FSD2: variants seen among roughly 807,000 people sequenced by gnomAD.
FSD2 encodes fibronectin type III and SPRY domain containing 2.
In FSD2, 71 loss-of-function variants were observed where a neutral mutation model predicts 80.4. The observed-to-expected ratio is 0.88, with a 90% confidence interval of 0.73 to 1.08. The LOEUF is 1.08. FSD2 is among the 50% of genes least tolerant of loss of function. FSD2 has a pLI of 0.00. For missense variants in FSD2, 923 were observed against 913.8 expected (o/e 1.01, Z -0.13); for synonymous variants, 361 against 329.5 (o/e 1.10, Z -1.03).
intron 7 of FSD2, among the ~76,000 whole-genome samples, chr15:82,770,945 T>C (rs2049553133): frequency 6.6e-6 from 1 of 152,268 alleles, no homozygotes; most frequent in Non-Finnish European, 1.5e-5. Context: ...CAGGGTTGAT[T>C]TGTGGCAAAA....
Position 82,755,903 on chromosome 15 carries a change from T to G in FSD2, c.*3445A>C. The G allele has an allele frequency of 2.0e-6, 1 of 489,306 alleles. No homozygotes were observed. The highest frequency in any genetic ancestry group is 4.1e-6 in the Non-Finnish European group (1 of 243,258). The allele number at this position is 489,306 out of a possible 1,614,324, so 30.3% of individuals were successfully genotyped here. A position where few individuals can be genotyped will look rare whatever the true frequency, so the allele number is the denominator to read the frequency against. The stretch of plus-strand genomic sequence containing the variant: ...ATCTTTATTTGAGTATCTTGACTTG[T>G]TAAAGGACAGTGTTTTAAAAGCTGG... On this transcript the variant is annotated 3_prime_UTR_variant, in exon 13 of 13. Coordinates refer to ENST00000334574, the MANE Select transcript of FSD2 (RefSeq NM_001007122.4).
At chr15:82,779,235 A>T (rs945943334) in intron 5 of FSD2, among the ~76,000 whole-genome samples, 11 of 152,174 alleles carry the variant, frequency 7.2e-5, no homozygotes, top group African/African-American at 2.7e-4. Context: ...TCCAGGCCCA[A>T]GAGGTACTGA....
At position 82,762,170 on chromosome 15, in the gene FSD2, G is replaced by A. The variant is rs1281625225; in HGVS notation, c.1929C>T (p.Val643=). ...DYRVGVAFAD[V]RKQEDLGANC... The stretch of plus-strand genomic sequence containing the variant: ...TTGCTCCCAGATCCTCCTGTTTACG[G>A]ACATCTGCAAAGGCCACACCAACTC... The change falls in exon 12 of 13, where the codon GTC becomes GTT. Residue 643 remains valine, a synonymous_variant. Coordinates refer to ENST00000334574, the MANE Select transcript of FSD2 (RefSeq NM_001007122.4). 3.7e-6 allele frequency: 6 copies of A among 1,613,274 alleles called. No homozygotes were observed. The highest frequency in any genetic ancestry group is 5.1e-6 in the Non-Finnish European group (6 of 1,179,622).
chr15:82,803,507 A>T (rs2050461269), intron 1 of FSD2, among the ~76,000 whole-genome samples: 1 of 151,756 alleles, frequency 6.6e-6, no homozygotes, highest in Non-Finnish European at 1.5e-5. Flanking sequence ...AGGGTCTTCC[A>T]TGTGAGACTC....
At position 82,782,818 on chromosome 15, in the gene FSD2, C is replaced by G; in HGVS notation, c.943G>C (p.Glu315Gln). 1.9e-6 allele frequency: 3 copies of G among 1,611,750 alleles called. No homozygotes were observed. Among genetic ancestry groups the G allele is most frequent in the Non-Finnish European group, 2.5e-6 (3 of 1,179,164 alleles). The change falls in exon 4 of 13, where the codon GAG becomes CAG. Residue 315 changes from glutamate to glutamine, a missense_variant. Glu to Gln is a conservative substitution (Grantham distance 29). Coordinates refer to ENST00000334574, the MANE Select transcript of FSD2 (RefSeq NM_001007122.4). ...ACCTTTATGAAATCCACCTTCTCCT[C>G]GTGACACATCTCCTCTATTGTTTCC... ...LMETIEEMCH[E>Q]EKVDFIKDAV...
chr15:82,790,508 A>C (rs1266258998), intron 1 of FSD2, among the ~76,000 whole-genome samples: 1 of 151,910 alleles, frequency 6.6e-6, no homozygotes, highest in African/African-American at 2.4e-5. Context: ...GTTGGACTCC[A>C]AAGTCCATGC....
chr15:82,786,953 C>A lies in FSD2; in HGVS notation c.438G>T (p.Leu146Phe). The stretch of plus-strand genomic sequence containing the variant: ...CGTGTGTGTACCTATAGGCTTCCCG[C>A]AAGTCCTGGCACTGGCCTGCTGAGC... ...GWGSAGQCQD[L>F]REAYRYTHGR... Residue 146 changes from leucine (L) to phenylalanine (F), a missense_variant, in exon 2 of 13, where the codon TTG (leucine) becomes TTT (phenylalanine). By Grantham distance (22) the Leu-to-Phe change is conservative. Coordinates refer to ENST00000334574, the MANE Select transcript of FSD2 (RefSeq NM_001007122.4). 6.2e-7 allele frequency: 1 copy of A among 1,614,036 alleles called. No individual in the cohort carries two copies. Among genetic ancestry groups the A allele is most frequent in the Non-Finnish European group, 8.5e-7 (1 of 1,179,890 alleles).
chr15:82,770,991 A>G (rs1187460556), intron 7 of FSD2, among the ~76,000 whole-genome samples: 1 of 151,478 alleles, frequency 6.6e-6, no homozygotes, highest in Non-Finnish European at 1.5e-5. Context: ...CTAGTCCCCA[A>G]CCCCCCTTTT....
chr15:82,804,275 G>A (rs528118444), intron 1 of FSD2, among the ~76,000 whole-genome samples: 1 of 152,118 alleles, frequency 6.6e-6, no homozygotes, highest in South Asian at 2.1e-4. Context: ...TCTCCCAGGG[G>A]GCCCAGGCAG....
At chr15:82,790,883 C>T (rs1426747171) in intron 1 of FSD2, among the ~76,000 whole-genome samples, 2 of 151,372 alleles carry the variant, frequency 1.3e-5, no homozygotes, top group Non-Finnish European at 2.9e-5. Context: ...CCACGCCCGG[C>T]CCATTGTGTT....
intron 1 of FSD2, among the ~76,000 whole-genome samples, chr15:82,804,886 C>T (rs541847339): frequency 6.6e-6 from 1 of 152,314 alleles, no homozygotes; most frequent in Admixed American, 6.5e-5. Context: ...CTTTTCCCCT[C>T]AACACCTAGA....
chr15:82,783,722 T>C (rs984813480), intron 3 of FSD2, among the ~76,000 whole-genome samples: 1 of 152,216 alleles, frequency 6.6e-6, no homozygotes, highest in African/African-American at 2.4e-5. Flanking sequence ...CATTCTCTCC[T>C]GAGCTCTTAA....
chr15:82,783,892 C>T (rs1387175428), intron 3 of FSD2, among the ~76,000 whole-genome samples: 1 of 152,072 alleles, frequency 6.6e-6, no homozygotes, highest in Non-Finnish European at 1.5e-5. Flanking sequence ...TGCAAGAGGG[C>T]AGAGGGAGGG....
chr15:82,786,739 G>T lies in FSD2; in HGVS notation c.639+13C>A. ...AATATCAAGACAGAGAAGAACCAAG[G>T]ACACCTATTTACCTTGGCACTTTCC... On this transcript the variant is annotated intron_variant, in intron 2 of 12. Transcript: ENST00000334574. 1 of 1,611,352 alleles carries T rather than the reference G, an allele frequency of 6.2e-7. No individual in the cohort carries two copies.
At chr15:82,768,024 G>T (rs1193138365) in intron 9 of FSD2, among the ~76,000 whole-genome samples, 1 of 152,094 alleles carries the variant, frequency 6.6e-6, no homozygotes, top group Admixed American at 6.6e-5. Flanking sequence ...TCCATCATAG[G>T]CTGCTGTAAA....
At chr15:82,802,826 T>C (rs1205929711) in intron 1 of FSD2, among the ~76,000 whole-genome samples, 3 of 152,104 alleles carry the variant, frequency 2.0e-5, no homozygotes, top group Non-Finnish European at 4.4e-5. Context: ...TGGGGCAACA[T>C]GGAATGACCT....
intron 3 of FSD2, 133 bp from the exon 4 acceptor site, chr15:82,783,158 G>C (rs2049912355): frequency 1.5e-6 from 1 of 664,882 alleles, no homozygotes; most frequent in African/African-American, 1.8e-5. Flanking sequence ...GAGTACAGTA[G>C]TGTGATCTTG....
intron 1 of FSD2, among the ~76,000 whole-genome samples, chr15:82,788,398 G>A (rs992699590): frequency 1.5e-4 from 23 of 151,314 alleles, no homozygotes; most frequent in African/African-American, 5.6e-4. Context: ...CAGCTACTTG[G>A]GAGGCTGAGG....
At chr15:82,775,435 C>G (rs866825271) in intron 6 of FSD2, among the ~76,000 whole-genome samples, 1 of 151,908 alleles carries the variant, frequency 6.6e-6, no homozygotes, top group Non-Finnish European at 1.5e-5. Context: ...CAAACAGAGG[C>G]AATTTCCCTT....
Sources: allele counts gnomAD v4.1 joint callset (sites outside exome capture counted in the v4.1 genomes callset), GRCh38; gene constraint gnomAD v4.1.1; transcripts MANE v1.5; gene names NCBI Gene and HGNC (gene_info 2026-07-23, HGNC 2026-07-21).